The following LSG1 variants were observed in gnomAD, a reference collection of about 807,000 sequenced individuals.
LSG1 encodes the protein large subunit GTPase 1 homolog.
In LSG1, 55 loss-of-function variants were observed where a neutral mutation model predicts 82.6. The observed-to-expected ratio is 0.67, with a 90% CI of 0.54 to 0.83. LSG1 has a LOEUF of 0.83. Among genes scored for constraint, LSG1 ranks in the 40% least tolerant of loss-of-function variants. The pLI is 0.00. For synonymous variants in LSG1, 272 were observed against 282.5 expected, an observed-to-expected ratio of 0.96 and a Z score of 0.37; for missense variants, 809 against 807.9, an observed-to-expected ratio of 1.00 and a Z score of -0.02.
At chr3:194,644,275 T>C (rs1239459851) in intron 13 of LSG1, among the ~76,000 whole-genome samples, 1 of 150,530 alleles carries the variant, frequency 6.6e-6, no homozygotes, top group Non-Finnish European at 1.5e-5. Context: ...GGCAGGAGAA[T>C]GGCGTGAACC....
intron 11 of LSG1, among the ~76,000 whole-genome samples, chr3:194,648,075 ATTTT>A (rs990548703): frequency 5.1e-5 from 6 of 117,934 alleles, no homozygotes; most frequent in Non-Finnish European, 8.9e-5. Flanking sequence ...CCACACTGCT[ATTTT>A]TTTTTTTTTT....
chr3:194,649,807 G>A (rs147829694), intron 10 of LSG1, among the ~76,000 whole-genome samples: 324 of 152,228 alleles, frequency 2.1e-3, no homozygotes, highest in African/African-American at 7.4e-3. Context: ...GGATTAGTGT[G>A]CCAATTTCAT....
chr3:194,662,354 C>A (rs1718951143), intron 5 of LSG1, among the ~76,000 whole-genome samples: 1 of 152,038 alleles, frequency 6.6e-6, no homozygotes, highest in South Asian at 2.1e-4. Context: ...TGCCATAGGG[C>A]AAAAAGGGGA....
chr3:194,663,212 A>G (rs6437401), intron 5 of LSG1, among the ~76,000 whole-genome samples: 98,647 of 151,740 alleles, frequency 0.65, 32,698 homozygotes, highest in East Asian at 0.87. Context: ...AGTACACAGC[A>G]TCAACTACCA....
chr3:194,647,915 C>T (rs560193976), intron 11 of LSG1, among the ~76,000 whole-genome samples: 8 of 152,250 alleles, frequency 5.3e-5, no homozygotes, highest in African/African-American at 1.9e-4. Context: ...TATTTATCCT[C>T]TTTAGAGTCT....
At position 194,641,813 on chromosome 3, in the gene LSG1, T is replaced by A. The variant is rs789989; in HGVS notation, c.*255A>T. The A allele has an allele frequency of 0.35, 117,708 of 338,040 alleles. 22,339 individuals carry two copies. The highest frequency in any genetic ancestry group is 0.54 in the African/African-American group (24,704 of 45,678). 20.9% of individuals were successfully genotyped at this position (338,040 alleles called of 1,614,324 possible). A position where few individuals can be genotyped will look rare whatever the true frequency, so the allele number is the denominator to read the frequency against. ...GTATTTTTAGTAGAGACGGGGTTTC[T>A]CCATGTTGGTGCGTGAGCCACTGTG... On this transcript the variant is annotated 3_prime_UTR_variant, in exon 14 of 14. Transcript: ENST00000265245.
intron 2 of LSG1, among the ~76,000 whole-genome samples, chr3:194,667,638 T>C (rs1479854808): frequency 1.3e-5 from 2 of 151,686 alleles, no homozygotes; most frequent in Admixed American, 6.6e-5. Flanking sequence ...AAGAAGAAAA[T>C]AGCAGCCAGG....
intron 10 of LSG1, 106 bp downstream of exon 10, chr3:194,650,772 CTAG>C: frequency 1.4e-5 from 16 of 1,120,462 alleles, no homozygotes; most frequent in Admixed American, 2.4e-5. Context: ...GTGCAGATCA[CTAG>C]TATTTTCAAT....
In LSG1 at chr3:194,653,052, C is replaced by T. The variant is rs1036926294; in HGVS notation, c.850G>A (p.Glu284Lys). ...DQAEISHSES[E>K]HLPARDSPSL... Reference sequence around the variant, plus strand: ...GGAGAATCCCTAGCTGGGAGATGTTCGGATTCACTGTGGGAAATTTCAGCC... The same window carrying T: ...GGAGAATCCCTAGCTGGGAGATGTTTGGATTCACTGTGGGAAATTTCAGCC... Residue 284 changes from glutamate (E) to lysine (K), a missense_variant, in exon 8 of 14, where the codon GAA becomes AAA. Coordinates refer to ENST00000265245, the MANE Select transcript of LSG1 (RefSeq NM_018385.3). The T allele has an allele frequency of 1.4e-5, 23 of 1,614,060 alleles. No individual in the cohort carries two copies. Among genetic ancestry groups the T allele is most frequent in the African/African-American group, 1.3e-4 (10 of 74,922 alleles).
At chr3:194,658,019 C>A (rs1413843386) in intron 7 of LSG1, among the ~76,000 whole-genome samples, 1 of 152,096 alleles carries the variant, frequency 6.6e-6, no homozygotes, top group South Asian at 2.1e-4. Context: ...TAACCCAGCT[C>A]AACACACACT....
Position 194,648,765 on chromosome 3 carries a change from A to G in LSG1, c.1459T>C (p.Tyr487His), listed in dbSNP as rs764841459. 3.1e-6 allele frequency: 5 copies of G among 1,613,910 alleles called. No individual in the cohort carries two copies. Among genetic ancestry groups the G allele is most frequent in the South Asian group, 1.1e-5 (1 of 91,068 alleles). Residue 487 changes from tyrosine to histidine, a missense_variant, in exon 11 of 14, where the codon TAT (tyrosine) becomes CAT (histidine). Physicochemically the swap from Tyr to His is moderately conservative, Grantham distance 83. Transcript: ENST00000265245. ...CTAGGCGTTATGATGTTAATGCCATAGGTAGCTTCTAAAACATGTCTTGGA... is the reference window on the plus strand; with the variant it reads ...CTAGGCGTTATGATGTTAATGCCATGGGTAGCTTCTAAAACATGTCTTGGA... ...NIPRHVLEATYGINIITPRED... is the reference protein window; with the variant it reads ...NIPRHVLEATHGINIITPRED...
chr3:194,655,391 AATG>A (rs775783019), intron 7 of LSG1, among the ~76,000 whole-genome samples: 1 of 152,170 alleles, frequency 6.6e-6, no homozygotes, highest in South Asian at 2.1e-4. Context: ...AGAGCAATAT[AATG>A]ATAAGTATCT....
chr3:194,660,188 A>G, intron 5 of LSG1, 55 bp from the exon 6 acceptor site: 1 of 1,396,388 alleles, frequency 7.2e-7, no homozygotes. Flanking sequence ...GGATTTTACT[A>G]ACCACATAAT....
intron 6 of LSG1, 83 bp from the exon 7 acceptor site, chr3:194,659,216 G>T: frequency 9.3e-7 from 1 of 1,071,852 alleles, no homozygotes; most frequent in Non-Finnish European, 1.4e-6. Context: ...CCCAATACAA[G>T]TTTTTACTGC....
chr3:194,657,458 GTT>G (rs58115258), intron 7 of LSG1, among the ~76,000 whole-genome samples: 6 of 139,142 alleles, frequency 4.3e-5, no homozygotes, highest in African/African-American at 8.0e-5. Context: ...TGCTTAGTAA[GTT>G]TTTTTTTTTT....
In LSG1 at chr3:194,670,003, A is replaced by G. The variant is rs1326394318; in HGVS notation, c.226+6T>C. On this transcript the variant is annotated splice_donor_region_variant and intron_variant, in intron 2 of 13. Coordinates refer to ENST00000265245, the MANE Select transcript of LSG1 (RefSeq NM_018385.3). ...TCTCACCTGCACTCAGCAATAAACA[A>G]CTTACCAGCTACAAACTCTGTTCCT... is the stretch of plus-strand genomic sequence containing the variant. 7 of 1,613,536 alleles carry G rather than the reference A, an allele frequency of 4.3e-6. No individual in the cohort carries two copies. Among genetic ancestry groups the G allele is most frequent in the South Asian group, 2.2e-5 (2 of 91,056 alleles).
chr3:194,661,554 C>T (rs374042348), intron 5 of LSG1, among the ~76,000 whole-genome samples: 75 of 152,328 alleles, frequency 4.9e-4, no homozygotes, highest in African/African-American at 1.8e-3. Context: ...GTGTTCCGCC[C>T]TCAGTGCCTC....
intron 4 of LSG1, 85 bp from the exon 5 acceptor site, chr3:194,665,728 A>G: frequency 1.4e-6 from 1 of 716,084 alleles, no homozygotes; most frequent in Non-Finnish European, 2.4e-6. Flanking sequence ...TTATTACATT[A>G]AAAATAAGTA....
chr3:194,646,339 C>A, intron 11 of LSG1, 96 bp from the exon 12 acceptor site: 3 of 881,218 alleles, frequency 3.4e-6, no homozygotes, highest in Non-Finnish European at 5.6e-6. Flanking sequence ...AGCATTCTTA[C>A]TCTTGGATTT....
Sources: gnomAD v4.1 joint callset for allele counts (sites outside exome capture counted in the v4.1 genomes callset) on GRCh38, gnomAD v4.1.1 for gene constraint, MANE v1.5 for transcripts, NCBI Gene and HGNC (gene_info 2026-07-23, HGNC 2026-07-21) for gene names.